The following UMAD1 variants were observed in gnomAD, a reference collection of about 807,000 sequenced individuals.
The protein encoded by UMAD1 is UBAP1-MVB12-associated (UMA)-domain containing protein 1.
UMAD1 carries 8 observed loss-of-function variants against 6.1 expected under a neutral mutation model. The ratio of observed to expected loss-of-function variants is 1.30; its 90% CI spans 0.76 to 2.35. The LOEUF is 2.35. Ranked by LOEUF, UMAD1 falls within the 30% of genes most tolerant of loss-of-function variation. The pLI, the probability that UMAD1 is intolerant of heterozygous loss-of-function variation, is 0.00. For synonymous variants in UMAD1, 56 were observed against 31.4 expected (o/e 1.78, Z -2.61); for missense variants, 130 against 78.4 (o/e 1.66, Z -2.49).
intron 3 of UMAD1, among the ~76,000 whole-genome samples, chr7:7,864,766 G>A (rs7801593): frequency 0.81 from 122,582 of 151,876 alleles, 50,153 homozygotes; most frequent in African/African-American, 0.93. Flanking sequence ...GTTTCTAGAT[G>A]GCATCAGAAT....
At chr7:7,860,584 C>A (rs1220097971) in intron 3 of UMAD1, among the ~76,000 whole-genome samples, 1 of 131,618 alleles carries the variant, frequency 7.6e-6, no homozygotes, top group African/African-American at 2.8e-5. Context: ...CACTGTGAAA[C>A]CCTGTGTCTA....
chr7:7,837,232 G>A (rs1783588218), intron 3 of UMAD1, among the ~76,000 whole-genome samples: 1 of 151,944 alleles, frequency 6.6e-6, no homozygotes, highest in South Asian at 2.1e-4. Flanking sequence ...AAGATTAAGG[G>A]CAAAATAATT....
intron 3 of UMAD1, among the ~76,000 whole-genome samples, chr7:7,852,818 A>G (rs891980007): frequency 4.6e-5 from 7 of 152,192 alleles, no homozygotes; most frequent in African/African-American, 1.7e-4. Context: ...ATTGACAACT[A>G]TGTAGAAATG....
chr7:7,860,095 A>G (rs1424006943), intron 3 of UMAD1, among the ~76,000 whole-genome samples: 1 of 152,208 alleles, frequency 6.6e-6, no homozygotes, highest in Non-Finnish European at 1.5e-5. Context: ...CCCTTATAAT[A>G]ACCACAGAAA....
chr7:7,811,159 G>T lies in UMAD1; in HGVS notation c.156+9416G>T, dbSNP rs186915286. Among the ~76,000 whole-genome samples, 78 of 152,200 alleles carry T rather than the reference G, an allele frequency of 5.1e-4. 1 individual carries two copies. Among genetic ancestry groups the T allele is most frequent in the Middle Eastern group, 3.4e-3 (1 of 294 alleles). ...CTTCTTTCTTTTTATCTATGATGCT[G>T]AGACTCCTAATTTAAAGATATGAAT... On this transcript the variant is annotated intron_variant, in intron 3 of 3. Transcript: ENST00000682710.
At chr7:7,739,930 T>G (rs1583788470) in intron 2 of UMAD1, among the ~76,000 whole-genome samples, 1 of 152,364 alleles carries the variant, frequency 6.6e-6, no homozygotes, top group East Asian at 1.9e-4. Flanking sequence ...AAGAGAAATC[T>G]GAGTCAGCAT....
chr7:7,847,711 G>A (rs1464841307), intron 3 of UMAD1, among the ~76,000 whole-genome samples: 1 of 151,924 alleles, frequency 6.6e-6, no homozygotes, highest in Admixed American at 6.6e-5. Flanking sequence ...CTCTGGTGCC[G>A]GGCACATTAT....
chr7:7,827,135 A>ATGTGTGTGTGTGTG (rs1178394302), intron 3 of UMAD1, among the ~76,000 whole-genome samples: 102 of 114,576 alleles, frequency 8.9e-4, no homozygotes, highest in African/African-American at 1.7e-3. Flanking sequence ...ATATATATAT[A>ATGTGTGTGTGTGTG]TATATATATA....
At chr7:7,658,962 A>G (rs573245479) in intron 1 of UMAD1, among the ~76,000 whole-genome samples, 1 of 152,206 alleles carries the variant, frequency 6.6e-6, no homozygotes, top group African/African-American at 2.4e-5. Context: ...GTAGGCTATT[A>G]ATTACTGCCT....
chr7:7,651,097 CA>C (rs1251912465), intron 1 of UMAD1, among the ~76,000 whole-genome samples: 2 of 152,062 alleles, frequency 1.3e-5, no homozygotes, highest in African/African-American at 4.8e-5. Context: ...GGTAATATAG[CA>C]AATCAGACAT....
intron 3 of UMAD1, among the ~76,000 whole-genome samples, chr7:7,869,612 G>T (rs1390283611): frequency 7.2e-5 from 11 of 152,162 alleles, no homozygotes; most frequent in Admixed American, 6.5e-4. Context: ...GGCATAGGTT[G>T]CAGAAAAAAG....
intron 3 of UMAD1, among the ~76,000 whole-genome samples, chr7:7,802,139 G>A (rs2115275104): frequency 6.6e-6 from 1 of 152,328 alleles, no homozygotes; most frequent in Non-Finnish European, 1.5e-5. Flanking sequence ...CAGCACTTTG[G>A]GAGGCCTAGG....
At chr7:7,678,637 G>C (rs1421515506) in intron 2 of UMAD1, among the ~76,000 whole-genome samples, 1 of 32,426 alleles carries the variant, frequency 3.1e-5, no homozygotes, top group African/African-American at 1.1e-4. Context: ...TTAATTTATA[G>C]ATAAATATAT....
At chr7:7,644,486 C>G (rs1431949296) in intron 1 of UMAD1, among the ~76,000 whole-genome samples, 3 of 151,894 alleles carry the variant, frequency 2.0e-5, no homozygotes, top group Non-Finnish European at 4.4e-5. Flanking sequence ...TAAAGGTATT[C>G]TATTTTTCCT....
intron 2 of UMAD1, among the ~76,000 whole-genome samples, chr7:7,758,495 C>T (rs1212199024): frequency 1.3e-5 from 2 of 149,110 alleles, no homozygotes; most frequent in African/African-American, 5.0e-5. Flanking sequence ...ACCTACCATC[C>T]AGCTTTAGAA....
intron 2 of UMAD1, among the ~76,000 whole-genome samples, chr7:7,787,095 C>T (rs1782475574): frequency 6.6e-6 from 1 of 152,126 alleles, no homozygotes; most frequent in Non-Finnish European, 1.5e-5. Flanking sequence ...CCCTAGAAAA[C>T]TGCTGAACTT....
At chr7:7,876,419 G>A (rs1784420874) in intron 3 of UMAD1, among the ~76,000 whole-genome samples, 1 of 152,156 alleles carries the variant, frequency 6.6e-6, no homozygotes, top group Non-Finnish European at 1.5e-5. Context: ...TGAGGGTCAA[G>A]GGGGGAGTCA....
At chr7:7,672,896 CT>C (rs1779642329) in intron 1 of UMAD1, among the ~76,000 whole-genome samples, 1 of 152,150 alleles carries the variant, frequency 6.6e-6, no homozygotes, top group Non-Finnish European at 1.5e-5. Context: ...TGGCCTTAGT[CT>C]TATGAGGCTT....
intron 3 of UMAD1, among the ~76,000 whole-genome samples, chr7:7,831,153 C>T (rs889076912): frequency 6.6e-6 from 1 of 152,044 alleles, no homozygotes; most frequent in Non-Finnish European, 1.5e-5. Flanking sequence ...GATGTAAATC[C>T]TCAAGAGTTA....
Sources: allele counts gnomAD v4.1 joint callset (sites outside exome capture counted in the v4.1 genomes callset), GRCh38; gene constraint gnomAD v4.1.1; transcripts MANE v1.5; gene names NCBI Gene and HGNC (gene_info 2026-07-23, HGNC 2026-07-21).